The following MAGI2 variants were observed in gnomAD, a reference collection of about 807,000 sequenced individuals.
MAGI2 encodes the protein membrane associated guanylate kinase, WW and PDZ domain containing 2.
Under a neutral mutation model 133.3 loss-of-function variants are expected in MAGI2, and 35 were observed. That is an observed-to-expected ratio of 0.26 (90% CI 0.20 to 0.35). MAGI2 has a LOEUF of 0.35. MAGI2 is among the 10% of genes least tolerant of loss of function. The probability of loss-of-function intolerance (pLI) is 1.00; values close to 1 mark genes in which losing one functional copy is unlikely to be tolerated. For synonymous variants in MAGI2, 729 were observed against 710.6 expected (o/e 1.03, Z -0.41); for missense variants, 1,636 against 1,863.4 (o/e 0.88, Z 2.25).
intron 3 of MAGI2, among the ~76,000 whole-genome samples, chr7:78,539,551 A>G (rs924442412): frequency 1.6e-4 from 24 of 152,086 alleles, no homozygotes; most frequent in African/African-American, 5.6e-4. Flanking sequence ...TCCTCTAAGC[A>G]CTACTTTTGC....
chr7:79,133,856 C>A (rs1821150179), intron 1 of MAGI2, among the ~76,000 whole-genome samples: 2 of 152,126 alleles, frequency 1.3e-5, no homozygotes, highest in South Asian at 4.1e-4. Context: ...CCTTTGTATG[C>A]CCCATGCCTA....
At chr7:78,928,806 T>G (rs530576152) in intron 2 of MAGI2, among the ~76,000 whole-genome samples, 1 of 151,994 alleles carries the variant, frequency 6.6e-6, no homozygotes, top group African/African-American at 2.4e-5. Flanking sequence ...ATAGGAAAAT[T>G]CAACAAAGAG....
At chr7:78,349,037 A>G (rs1791214646) in intron 7 of MAGI2, among the ~76,000 whole-genome samples, 1 of 152,190 alleles carries the variant, frequency 6.6e-6, no homozygotes, top group East Asian at 1.9e-4. Context: ...TTTTGAATAA[A>G]GAGATTTCTG....
At chr7:78,693,380 C>T (rs1395632182) in intron 2 of MAGI2, among the ~76,000 whole-genome samples, 1 of 152,028 alleles carries the variant, frequency 6.6e-6, no homozygotes, top group Non-Finnish European at 1.5e-5. Context: ...GTGTTACTTA[C>T]AGTATGCTTG....
chr7:79,202,482 G>T (rs927749861), intron 1 of MAGI2, among the ~76,000 whole-genome samples: 2 of 151,822 alleles, frequency 1.3e-5, no homozygotes, highest in East Asian at 1.9e-4. Context: ...TAACTGAAAA[G>T]GTTTGGGATG....
chr7:78,560,767 C>T (rs1452314175), intron 3 of MAGI2, among the ~76,000 whole-genome samples: 1 of 152,162 alleles, frequency 6.6e-6, no homozygotes, highest in Non-Finnish European at 1.5e-5. Context: ...TTAACCATTA[C>T]ACAATCATCC....
chr7:79,086,393 T>C (rs779781924), intron 1 of MAGI2, among the ~76,000 whole-genome samples: 2 of 151,886 alleles, frequency 1.3e-5, no homozygotes, highest in Non-Finnish European at 2.9e-5. Context: ...GTGAAGCTGA[T>C]AATATTCAAG....
At chr7:79,378,846 G>C (rs1396406275) in intron 1 of MAGI2, among the ~76,000 whole-genome samples, 2 of 148,400 alleles carry the variant, frequency 1.3e-5, no homozygotes, top group Non-Finnish European at 3.0e-5. Flanking sequence ...CATGATCCCA[G>C]TGGGGTTTCA....
intron 2 of MAGI2, among the ~76,000 whole-genome samples, chr7:78,683,714 A>G (rs1369379567): frequency 1.3e-5 from 2 of 152,152 alleles, no homozygotes; most frequent in Non-Finnish European, 2.9e-5. Context: ...TTGGACTATT[A>G]TAATTCCATA....
intron 9 of MAGI2, among the ~76,000 whole-genome samples, chr7:78,291,436 A>G (rs912962881): frequency 6.6e-6 from 1 of 152,244 alleles, no homozygotes; most frequent in Non-Finnish European, 1.5e-5. Context: ...TGAGGCAATA[A>G]TTAATAGCTT....
At chr7:79,101,369 G>A (rs1817950963) in intron 1 of MAGI2, among the ~76,000 whole-genome samples, 1 of 152,094 alleles carries the variant, frequency 6.6e-6, no homozygotes. Flanking sequence ...TCCTGACTAT[G>A]TGATATCACA....
At chr7:78,657,423 G>A (rs1203450990) in intron 2 of MAGI2, among the ~76,000 whole-genome samples, 1 of 152,202 alleles carries the variant, frequency 6.6e-6, no homozygotes, top group Non-Finnish European at 1.5e-5. Flanking sequence ...AAGCAACCAA[G>A]ATGTCCTTTA....
Position 79,255,022 on chromosome 7 carries a change from T to C in MAGI2, c.301+197998A>G, listed in dbSNP as rs1232398187. Among the ~76,000 whole-genome samples, 3 of 152,202 alleles carry C rather than the reference T, an allele frequency of 2.0e-5. No homozygotes were observed. In the East Asian group the frequency reaches 5.8e-4, roughly 29 times the overall value. ...ATAACTATTAAGAAATACATTCCCA[T>C]AGACTTTAATACTTCTCAAATTATT... On this transcript the variant is annotated intron_variant, in intron 1 of 21. Coordinates refer to ENST00000354212, the MANE Select transcript of MAGI2 (RefSeq NM_012301.4).
intron 2 of MAGI2, among the ~76,000 whole-genome samples, chr7:78,652,770 C>A (rs2108504): frequency 0.27 from 40,822 of 151,948 alleles, 5,848 homozygotes; most frequent in Admixed American, 0.32. Flanking sequence ...CAACAAAAGT[C>A]AAAATTGACA....
At chr7:79,164,492 C>A (rs1339652390) in intron 1 of MAGI2, among the ~76,000 whole-genome samples, 2 of 151,798 alleles carry the variant, frequency 1.3e-5, no homozygotes, top group Non-Finnish European at 2.9e-5. Context: ...AGAGATTAAC[C>A]GAGAGTCTAG....
In MAGI2 at chr7:79,123,755, CA is replaced by C. The variant is rs113141733; in HGVS notation, c.302-116550del. Among the ~76,000 whole-genome samples the C allele has an allele frequency of 1.7e-3, 227 of 130,678 alleles. 2 individuals are homozygous for C. The highest frequency in any genetic ancestry group is 6.3e-3 in the African/African-American group (220 of 34,772). 85.7% of individuals were successfully genotyped at this position (130,678 alleles called of 152,430 possible). ...GAGCTGAGATCGCACCACTGCATTCCAGCCTGGGCGACAGAGTGAGACTCCA... is the reference window on the plus strand; with the variant it reads ...GAGCTGAGATCGCACCACTGCATTCCGCCTGGGCGACAGAGTGAGACTCCA... On this transcript the variant is annotated intron_variant, in intron 1 of 21. Transcript: ENST00000354212.
At chr7:79,071,075 C>T (rs541733798) in intron 1 of MAGI2, among the ~76,000 whole-genome samples, 6 of 152,254 alleles carry the variant, frequency 3.9e-5, no homozygotes, top group Admixed American at 2.6e-4. Context: ...GCCCCATCTT[C>T]GTGGATTTAT....
intron 6 of MAGI2, among the ~76,000 whole-genome samples, chr7:78,389,641 A>C (rs1182288094): frequency 6.6e-6 from 1 of 152,170 alleles, no homozygotes; most frequent in Non-Finnish European, 1.5e-5. Context: ...TTGTGATTTT[A>C]TGCTCTTTAA....
chr7:78,678,191 T>C (rs10243691), intron 2 of MAGI2, among the ~76,000 whole-genome samples: 19,351 of 152,076 alleles, frequency 0.13, 1,499 homozygotes, highest in African/African-American at 0.21. Flanking sequence ...TTTCATGAAT[T>C]TCACCTTTTA....
Sources: allele counts gnomAD v4.1 joint callset (sites outside exome capture counted in the v4.1 genomes callset), GRCh38; gene constraint gnomAD v4.1.1; transcripts MANE v1.5; gene names NCBI Gene and HGNC (gene_info 2026-07-23, HGNC 2026-07-21).